Variants in PTPRD observed in about 807,000 individuals in gnomAD.
The protein encoded by PTPRD is receptor-type tyrosine-protein phosphatase delta.
A neutral mutation model predicts 214.5 loss-of-function variants in PTPRD; 34 were observed. That is an observed-to-expected ratio of 0.16 (90% CI 0.12 to 0.21). PTPRD has a LOEUF of 0.21. Among genes scored for constraint, PTPRD ranks in the 10% least tolerant of loss-of-function variants. The pLI is 1.00. For synonymous variants in PTPRD, 1,128 were observed against 845.7 expected (o/e 1.33, Z -5.79); for missense variants, 2,545 against 2,398.7 (o/e 1.06, Z -1.27).
intron 3 of PTPRD, among the ~76,000 whole-genome samples, chr9:10,098,112 G>C (rs1223464982): frequency 6.6e-6 from 1 of 151,750 alleles, no homozygotes; most frequent in East Asian, 1.9e-4. Context: ...AACAATGATA[G>C]ACTGGATTAA....
chr9:10,527,382 T>C (rs1342712987), intron 2 of PTPRD, among the ~76,000 whole-genome samples: 1 of 152,082 alleles, frequency 6.6e-6, no homozygotes, highest in Non-Finnish European at 1.5e-5. Context: ...GGGAGGTCTG[T>C]TTCAAAACAC....
chr9:9,744,458 CCA>C (rs2098438329), intron 6 of PTPRD, among the ~76,000 whole-genome samples: 1 of 152,090 alleles, frequency 6.6e-6, no homozygotes, highest in Non-Finnish European at 1.5e-5. Context: ...GATACATTTT[CCA>C]CAGTGAGCTT....
intron 9 of PTPRD, among the ~76,000 whole-genome samples, chr9:9,240,410 T>A (rs201519872): frequency 2.0e-5 from 3 of 152,150 alleles, no homozygotes; most frequent in Non-Finnish European, 4.4e-5. Flanking sequence ...CAATGGCTCA[T>A]GCCTATAATC....
intron 12 of PTPRD, among the ~76,000 whole-genome samples, chr9:8,725,940 G>A (rs1306338032): frequency 6.6e-6 from 1 of 151,684 alleles, no homozygotes; most frequent in African/African-American, 2.4e-5. Context: ...TAGATTACAG[G>A]CTGGTGTAGG....
At chr9:8,372,614 T>C (rs999008029) in intron 39 of PTPRD, among the ~76,000 whole-genome samples, 14 of 152,036 alleles carry the variant, frequency 9.2e-5, no homozygotes, top group Non-Finnish European at 7.4e-5. Context: ...GATAGATAAC[T>C]AGAGTTGGCC....
chr9:8,988,703 T>A (rs1426041666), intron 11 of PTPRD, among the ~76,000 whole-genome samples: 2 of 152,122 alleles, frequency 1.3e-5, no homozygotes, highest in African/African-American at 4.8e-5. Context: ...TTCAACACAT[T>A]GTTTTATGGG....
intron 3 of PTPRD, among the ~76,000 whole-genome samples, chr9:10,171,188 C>T (rs898387848): frequency 2.6e-5 from 4 of 152,146 alleles, no homozygotes; most frequent in Non-Finnish European, 5.9e-5. Context: ...TTCTTAAATA[C>T]TCATTTTACC....
chr9:9,200,414 T>C (rs1023873253), intron 9 of PTPRD, among the ~76,000 whole-genome samples: 2 of 152,236 alleles, frequency 1.3e-5, no homozygotes, highest in African/African-American at 2.4e-5. Flanking sequence ...ATCTGAATCA[T>C]GTAGGTATTA....
At chr9:9,986,414 T>C (rs1451523001) in intron 4 of PTPRD, among the ~76,000 whole-genome samples, 1 of 152,098 alleles carries the variant, frequency 6.6e-6, no homozygotes, top group Non-Finnish European at 1.5e-5. Flanking sequence ...ATTGAAGTAA[T>C]ATTGTAGAAT....
chr9:8,424,062 G>C (rs895218871), intron 35 of PTPRD, among the ~76,000 whole-genome samples: 2 of 152,102 alleles, frequency 1.3e-5, no homozygotes, highest in African/African-American at 4.8e-5. Context: ...GAAGCGGGTG[G>C]CTGGGTATAA....
chr9:9,831,082 T>G (rs983740370), intron 5 of PTPRD, among the ~76,000 whole-genome samples: 12 of 151,890 alleles, frequency 7.9e-5, no homozygotes. Context: ...TTATAGCCTA[T>G]GGTCACCCAG....
rs142877512 is a variant in PTPRD, at chr9:8,507,376, G to C, written c.1602C>G (p.Leu534=). ...AEPESETSIL[L]SWTPPRSDTI... ...TATCTGAACGTGGAGGTGTCCAAGA[G>C]AGCAAAATACTTGTTTCAGACTCAG... The change falls in exon 22 of 46, where the codon CTC becomes CTG. Residue 534 remains leucine, a synonymous_variant. Transcript: ENST00000381196. 3.7e-6 allele frequency: 6 copies of C among 1,613,906 alleles called. No homozygotes were observed. The highest frequency in any genetic ancestry group is 2.7e-5 in the African/African-American group (2 of 74,940).
At chr9:9,855,683 C>T (rs1045946116) in intron 5 of PTPRD, among the ~76,000 whole-genome samples, 1 of 152,146 alleles carries the variant, frequency 6.6e-6, no homozygotes, top group Non-Finnish European at 1.5e-5. Flanking sequence ...TGAACTCCAC[C>T]CCTCCAGGAG....
intron 4 of PTPRD, among the ~76,000 whole-genome samples, chr9:9,956,584 T>G (rs964260508): frequency 4.6e-5 from 7 of 152,180 alleles, no homozygotes; most frequent in Non-Finnish European, 7.4e-5. Flanking sequence ...TTTATCATTT[T>G]GTCACACATT....
intron 10 of PTPRD, among the ~76,000 whole-genome samples, chr9:9,072,633 G>A (rs1392113986): frequency 6.6e-6 from 1 of 152,094 alleles, no homozygotes; most frequent in East Asian, 1.9e-4. Flanking sequence ...ATTCTACATA[G>A]TCAGTATCTA....
chr9:9,221,864 C>T (rs2099956294), intron 9 of PTPRD, among the ~76,000 whole-genome samples: 1 of 151,994 alleles, frequency 6.6e-6, no homozygotes. Context: ...TGTACCTAAA[C>T]AAGAAATACA....
chr9:8,562,808 A>C (rs961985526), intron 14 of PTPRD, among the ~76,000 whole-genome samples: 1 of 151,700 alleles, frequency 6.6e-6, no homozygotes, highest in African/African-American at 2.4e-5. Flanking sequence ...TTGGTGTTGT[A>C]GCTGAAAAAC....
intron 10 of PTPRD, among the ~76,000 whole-genome samples, chr9:9,115,550 C>G (rs1342147638): frequency 6.6e-6 from 1 of 152,094 alleles, no homozygotes. Context: ...TTACTACAGC[C>G]TCTATGGAAA....
intron 6 of PTPRD, among the ~76,000 whole-genome samples, chr9:9,746,252 G>A (rs1307278172): frequency 6.6e-6 from 1 of 152,100 alleles, no homozygotes; most frequent in East Asian, 1.9e-4. Flanking sequence ...ACATGCTCAG[G>A]TCAAACTTTT....
Sources: gnomAD v4.1 joint callset for allele counts (sites outside exome capture counted in the v4.1 genomes callset) on GRCh38, gnomAD v4.1.1 for gene constraint, MANE v1.5 for transcripts, NCBI Gene and HGNC (gene_info 2026-07-23, HGNC 2026-07-21) for gene names.